Variants in GNAQ observed in about 807,000 individuals in gnomAD.
The protein encoded by GNAQ is G protein subunit alpha q, also known as guanine nucleotide-binding protein G(q) subunit alpha.
Under a neutral mutation model 43.9 loss-of-function variants are expected in GNAQ, and 8 were observed. The ratio of observed to expected loss-of-function variants is 0.18; its 90% confidence interval spans 0.11 to 0.33. The LOEUF is 0.33. GNAQ is among the 10% of genes least tolerant of loss of function. The pLI is 1.00. For synonymous variants in GNAQ, 155 were observed against 170.7 expected (o/e 0.91, Z 0.71); for missense variants, 158 against 450.8 (o/e 0.35, Z 5.88).
At chr9:77,922,825 C>G (rs1483301807) in intron 1 of GNAQ, among the ~76,000 whole-genome samples, 3 of 151,994 alleles carry the variant, frequency 2.0e-5, no homozygotes, top group Non-Finnish European at 4.4e-5. Flanking sequence ...TTTCTAGACA[C>G]GCTCCCTATT....
At position 77,818,088 on chromosome 9, in the gene GNAQ, T is replaced by C. The variant is rs890808367; in HGVS notation, c.322-2318A>G. Among the ~76,000 whole-genome samples, 7 of 152,336 alleles carry C rather than the reference T, an allele frequency of 4.6e-5. No homozygotes were observed. In the South Asian group the frequency reaches 1.4e-3, roughly 32 times the overall value. The stretch of plus-strand genomic sequence containing the variant: ...TTGACTCTGAATTCAAATTAACCTC[T>C]ACAGTGTAAGTTATATTTGTCTCTG... On this transcript the variant is annotated intron_variant, in intron 2 of 6. Coordinates refer to ENST00000286548, the MANE Select transcript of GNAQ (RefSeq NM_002072.5).
chr9:78,030,722 A>G, intron 1 of GNAQ: 1 of 373,752 alleles, frequency 2.7e-6, no homozygotes, highest in South Asian at 2.0e-5. Flanking sequence ...CGACACTGGA[A>G]GTTCAACCCC....
intron 5 of GNAQ, among the ~76,000 whole-genome samples, chr9:77,784,190 G>T (rs1405780115): frequency 1.3e-5 from 2 of 151,574 alleles, no homozygotes; most frequent in East Asian, 1.9e-4. Context: ...ATATTTTTAT[G>T]AGCCAACCAA....
chr9:77,837,906 TG>T (rs1420041486), intron 2 of GNAQ, among the ~76,000 whole-genome samples: 1 of 146,320 alleles, frequency 6.8e-6, no homozygotes, highest in Non-Finnish European at 1.5e-5. Context: ...TGGAGTGCAG[TG>T]GTGTGATCTC....
chr9:77,811,730 A>G (rs761183058), intron 3 of GNAQ, among the ~76,000 whole-genome samples: 9 of 152,184 alleles, frequency 5.9e-5, no homozygotes, highest in Non-Finnish European at 1.0e-4. Context: ...AGAATAAAGT[A>G]AGTAACACTC....
rs550549344 is a variant in GNAQ at position 77,730,700 on chromosome 9, C to T, written c.736-2033G>A. 8.5e-5 allele frequency among the ~76,000 whole-genome samples: 13 copies of T among 152,330 alleles called. No homozygotes were observed. The East Asian group carries it at 1.3e-3, about 16-fold the overall frequency. On this transcript the variant is annotated intron_variant, in intron 5 of 6. Transcript: ENST00000286548. ...AGTGTTTATCTCACTGCATACATTT[C>T]TCTTTTATATAAATGACAGCACAGA...
At chr9:77,757,675 A>G (rs1383469527) in intron 5 of GNAQ, among the ~76,000 whole-genome samples, 2 of 152,228 alleles carry the variant, frequency 1.3e-5, no homozygotes, top group Non-Finnish European at 2.9e-5. Context: ...AGTCTTGCCT[A>G]TCAACTCTGT....
chr9:77,980,828 A>T (rs938866837), intron 1 of GNAQ, among the ~76,000 whole-genome samples: 2 of 152,242 alleles, frequency 1.3e-5, no homozygotes, highest in African/African-American at 4.8e-5. Context: ...AATCATGCAT[A>T]GAAACATGAT....
intron 5 of GNAQ, among the ~76,000 whole-genome samples, chr9:77,758,581 T>C (rs1316522883): frequency 2.6e-5 from 4 of 152,208 alleles, no homozygotes; most frequent in African/African-American, 2.4e-5. Flanking sequence ...CTACCTCAGA[T>C]CCATGTTTCC....
chr9:77,890,311 C>A (rs1828382238), intron 2 of GNAQ, among the ~76,000 whole-genome samples: 1 of 152,208 alleles, frequency 6.6e-6, no homozygotes, highest in South Asian at 2.1e-4. Context: ...TCGAAGCCAT[C>A]TGGCATTACT....
intron 5 of GNAQ, among the ~76,000 whole-genome samples, chr9:77,763,030 C>CT (rs1826076038): frequency 6.6e-6 from 1 of 151,872 alleles, no homozygotes; most frequent in African/African-American, 2.4e-5. Flanking sequence ...TGCTGACCTT[C>CT]CCTCCACTAT....
At chr9:77,784,154 T>C (rs1281961164) in intron 5 of GNAQ, among the ~76,000 whole-genome samples, 2 of 152,158 alleles carry the variant, frequency 1.3e-5, no homozygotes, top group African/African-American at 2.4e-5. Context: ...TCTTCCTTTT[T>C]TCCCCTGCCA....
At chr9:77,725,870 C>T (rs979704065) in intron 6 of GNAQ, among the ~76,000 whole-genome samples, 3 of 152,184 alleles carry the variant, frequency 2.0e-5, no homozygotes, top group African/African-American at 7.2e-5. Flanking sequence ...TCCGTGGGCA[C>T]CATGCTCTAT....
Position 77,933,721 on chromosome 9 carries a change from C to T in GNAQ, c.137-11376G>A, listed in dbSNP as rs568790292. ...ACTTCCCTGAACATTATTTGGGAAG[C>T]AGAAAGATATAAAAATATAAAGTCA... On this transcript the variant is annotated intron_variant, in intron 1 of 6. Coordinates refer to ENST00000286548, the MANE Select transcript of GNAQ (RefSeq NM_002072.5). Among the ~76,000 whole-genome samples the T allele has an allele frequency of 2.1e-4, 32 of 151,838 alleles. 1 individual carries two copies. The South Asian group carries it at 6.7e-3, about 32-fold the overall frequency.
chr9:77,719,161 G>C lies in GNAQ; in HGVS notation c.*2162C>G. ...TCTAAATGGAAAGAAAATATCCCTA[G>C]TCAGAAATAAACTGACAAATTTACA... On this transcript the variant is annotated 3_prime_UTR_variant, in exon 7 of 7. Transcript: ENST00000286548. The C allele has an allele frequency of 4.4e-6, 1 of 229,770 alleles. No individual in the cohort carries two copies. The allele number at this position is 229,770 out of a possible 1,614,324, so 14.2% of individuals were successfully genotyped here.
At chr9:77,917,190 C>G (rs1226549904) in intron 2 of GNAQ, among the ~76,000 whole-genome samples, 2 of 152,154 alleles carry the variant, frequency 1.3e-5, no homozygotes, top group Admixed American at 1.3e-4. Context: ...CAAGTTCAGA[C>G]AGTAAAAAAT....
At position 77,894,366 on chromosome 9, in the gene GNAQ, A is replaced by ATATATATTTAATAGAAAATATATATT; in HGVS notation, c.321+27794_321+27795insAATATATATTTTCTATTAAATATATA. On this transcript the variant is annotated intron_variant, in intron 2 of 6. Coordinates refer to ENST00000286548, the MANE Select transcript of GNAQ (RefSeq NM_002072.5). Reference sequence around the variant, plus strand: ...TATATATTTAATAGAAAATATATATATTATATATATATTTAATAGAAAAAA... The same window carrying ATATATATTTAATAGAAAATATATATT: ...TATATATTTAATAGAAAATATATATATATATATTTAATAGAAAATATATATTTTATATATATATTTAATAGAAAAAA... 5.5e-5 allele frequency among the ~76,000 whole-genome samples: 2 copies of ATATATATTTAATAGAAAATATATATT among 36,260 alleles called. 1 individual carries two copies. Among genetic ancestry groups the ATATATATTTAATAGAAAATATATATT allele is most frequent in the African/African-American group, 4.8e-4 (2 of 4,198 alleles). The allele number at this position is 36,260 out of a possible 152,430, so 23.8% of individuals were successfully genotyped here. A position where few individuals can be genotyped will look rare whatever the true frequency, so the allele number is the denominator to read the frequency against.
chr9:77,825,318 C>A (rs1002627620), intron 2 of GNAQ, among the ~76,000 whole-genome samples: 1 of 149,864 alleles, frequency 6.7e-6, no homozygotes, highest in African/African-American at 2.4e-5. Flanking sequence ...TCTTTCATAC[C>A]TCCACAGTAA....
intron 1 of GNAQ, among the ~76,000 whole-genome samples, chr9:78,017,523 G>C (rs1435384019): frequency 2.0e-5 from 3 of 152,120 alleles, no homozygotes; most frequent in Non-Finnish European, 2.9e-5. Context: ...CCTTCATTTT[G>C]AAAGAAAAAG....
Sources: allele counts gnomAD v4.1 joint callset (sites outside exome capture counted in the v4.1 genomes callset), GRCh38; gene constraint gnomAD v4.1.1; transcripts MANE v1.5; gene names NCBI Gene and HGNC (gene_info 2026-07-23, HGNC 2026-07-21).